GALNTL6: variants seen among roughly 807,000 people sequenced by gnomAD.
GALNTL6 encodes polypeptide N-acetylgalactosaminyltransferase-like 6.
Under a neutral mutation model 73.7 loss-of-function variants are expected in GALNTL6, and 46 were observed. The ratio of observed to expected loss-of-function variants is 0.62; its 90% CI spans 0.49 to 0.80. The LOEUF (loss-of-function observed/expected upper bound fraction) is 0.80. GALNTL6 is among the 30% of genes least tolerant of loss of function. GALNTL6 has a pLI of 0.00. For missense variants in GALNTL6, 604 were observed against 755.0 expected (o/e 0.80, Z 2.34); for synonymous variants, 259 against 263.7 (o/e 0.98, Z 0.17).
intron 2 of GALNTL6, among the ~76,000 whole-genome samples, chr4:171,954,261 C>T (rs1579003077): frequency 6.6e-6 from 1 of 152,082 alleles, no homozygotes; most frequent in African/African-American, 2.4e-5. Context: ...ATTTGAAATA[C>T]ACTGCTCCAG....
At chr4:172,111,377 AAT>A (rs1732847160) in intron 2 of GALNTL6, among the ~76,000 whole-genome samples, 1 of 152,088 alleles carries the variant, frequency 6.6e-6, no homozygotes, top group African/African-American at 2.4e-5. Context: ...TTGAAATCAG[AAT>A]ATTGTTTTCT....
chr4:172,343,172 G>A (rs1578976056), intron 4 of GALNTL6, among the ~76,000 whole-genome samples: 1 of 152,124 alleles, frequency 6.6e-6, no homozygotes, highest in East Asian at 1.9e-4. Flanking sequence ...AAAAAATAAA[G>A]CCATACTTTG....
chr4:172,867,606 A>T (rs1744724811), intron 7 of GALNTL6, among the ~76,000 whole-genome samples: 1 of 152,200 alleles, frequency 6.6e-6, no homozygotes, highest in Non-Finnish European at 1.5e-5. Flanking sequence ...GGCAAAGGAG[A>T]CGAAGGTGCA....
intron 2 of GALNTL6, among the ~76,000 whole-genome samples, chr4:172,055,753 G>A (rs1192218946): frequency 6.6e-6 from 1 of 152,168 alleles, no homozygotes; most frequent in African/African-American, 2.4e-5. Context: ...CTGATAGAAT[G>A]TAGCTTTGAC....
intron 5 of GALNTL6, among the ~76,000 whole-genome samples, chr4:172,562,993 C>G (rs1736430663): frequency 6.6e-6 from 1 of 152,172 alleles, no homozygotes; most frequent in African/African-American, 2.4e-5. Context: ...ACACAGTGTT[C>G]CTATAGCTGA....
intron 3 of GALNTL6, among the ~76,000 whole-genome samples, chr4:172,277,187 G>T (rs1429061422): frequency 6.6e-6 from 1 of 151,744 alleles, no homozygotes; most frequent in Non-Finnish European, 1.5e-5. Flanking sequence ...AAACTAAAAA[G>T]AGCAATATTT....
intron 8 of GALNTL6, among the ~76,000 whole-genome samples, chr4:172,898,809 G>T (rs939921138): frequency 1.3e-5 from 2 of 152,150 alleles, no homozygotes; most frequent in African/African-American, 4.8e-5. Flanking sequence ...AGAAAAAGTA[G>T]GTGTTAAAGA....
intron 2 of GALNTL6, among the ~76,000 whole-genome samples, chr4:172,059,271 C>A (rs192177142): frequency 6.6e-5 from 10 of 152,288 alleles, no homozygotes; most frequent in African/African-American, 2.2e-4. Flanking sequence ...TTGAAGCCCA[C>A]CTCTCCTGGC....
chr4:172,252,492 G>T (rs1327287367), intron 3 of GALNTL6, among the ~76,000 whole-genome samples: 2 of 151,910 alleles, frequency 1.3e-5, no homozygotes, highest in Non-Finnish European at 2.9e-5. Flanking sequence ...AAATCTGCAG[G>T]ATAGGGAAAT....
At chr4:171,879,495 T>C (rs1736375972) in intron 2 of GALNTL6, among the ~76,000 whole-genome samples, 1 of 152,134 alleles carries the variant, frequency 6.6e-6, no homozygotes, top group East Asian at 1.9e-4. Flanking sequence ...TTGAAAATAA[T>C]TCTGTAATAT....
intron 8 of GALNTL6, among the ~76,000 whole-genome samples, chr4:172,913,559 A>C (rs1747331445): frequency 6.6e-6 from 1 of 152,228 alleles, no homozygotes; most frequent in African/African-American, 2.4e-5. Flanking sequence ...GACCTGATGG[A>C]GCTGAAAACC....
chr4:172,751,109 T>C (rs1298556785), intron 5 of GALNTL6, among the ~76,000 whole-genome samples: 2 of 152,226 alleles, frequency 1.3e-5, no homozygotes, highest in African/African-American at 4.8e-5. Context: ...TTGTGGTACC[T>C]GATTCTATAC....
intron 2 of GALNTL6, among the ~76,000 whole-genome samples, chr4:172,011,614 A>T (rs1741009483): frequency 6.6e-6 from 1 of 152,138 alleles, no homozygotes; most frequent in African/African-American, 2.4e-5. Flanking sequence ...GAAATCTGGA[A>T]CATGTTATAT....
At chr4:171,982,605 C>G (rs751435734) in intron 2 of GALNTL6, among the ~76,000 whole-genome samples, 1 of 152,154 alleles carries the variant, frequency 6.6e-6, no homozygotes, top group South Asian at 2.1e-4. Flanking sequence ...ACCGAAAGTA[C>G]TTTCGTTTGC....
intron 2 of GALNTL6, among the ~76,000 whole-genome samples, chr4:172,063,318 A>G (rs373852636): frequency 6.6e-6 from 1 of 152,334 alleles, no homozygotes; most frequent in African/African-American, 2.4e-5. Flanking sequence ...CATCAGCCTC[A>G]TAAAATTAAA....
At chr4:172,131,503 T>C (rs1475027639) in intron 2 of GALNTL6, among the ~76,000 whole-genome samples, 2 of 148,626 alleles carry the variant, frequency 1.3e-5, no homozygotes, top group Admixed American at 6.8e-5. Flanking sequence ...ATATATTTTA[T>C]ATATGTGTGC....
intron 2 of GALNTL6, among the ~76,000 whole-genome samples, chr4:172,080,362 TTG>T (rs1323199828): frequency 6.6e-6 from 1 of 152,002 alleles, no homozygotes; most frequent in East Asian, 1.9e-4. Context: ...TAAAATTTTT[TTG>T]TTGAGACGAG....
rs79170517 is a variant in GALNTL6, at chr4:172,631,564, G to A, written c.554-177797G>A. ...TTTAACTACTTTCTTTTCTTCACTC[G>A]ATCTCATAGTTCTATTCAACCTGCT... On this transcript the variant is annotated intron_variant, in intron 5 of 12. Transcript: ENST00000506823. 7.1e-3 allele frequency among the ~76,000 whole-genome samples: 1,079 copies of A among 152,142 alleles called. 4 individuals carry two copies. The highest frequency in any genetic ancestry group is 0.018 in the South Asian group (85 of 4,826).
At chr4:172,494,765 G>T (rs1349786506) in intron 5 of GALNTL6, among the ~76,000 whole-genome samples, 1 of 152,132 alleles carries the variant, frequency 6.6e-6, no homozygotes, top group Non-Finnish European at 1.5e-5. Context: ...AAAGATGAAG[G>T]TCAGAAGACT....
Sources: allele counts gnomAD v4.1 joint callset (sites outside exome capture counted in the v4.1 genomes callset), GRCh38; gene constraint gnomAD v4.1.1; transcripts MANE v1.5; gene names NCBI Gene and HGNC (gene_info 2026-07-23, HGNC 2026-07-21).